IL1RAPL2: variants seen among roughly 807,000 people sequenced by gnomAD.
IL1RAPL2 encodes the protein interleukin 1 receptor accessory protein like 2, also known as X-linked interleukin-1 receptor accessory protein-like 2.
In IL1RAPL2, 3 loss-of-function variants were observed where a neutral mutation model predicts 44.1. The ratio of observed to expected loss-of-function variants is 0.07; its 90% CI spans 0.03 to 0.18. IL1RAPL2 has a LOEUF of 0.18. IL1RAPL2 is among the 10% of genes least tolerant of loss of function. The pLI is 1.00. For missense variants in IL1RAPL2, 391 were observed against 496.4 expected (o/e 0.79, Z 2.02); for synonymous variants, 181 against 178.8 (o/e 1.01, Z -0.10).
rs931410444 is a variant in IL1RAPL2, at chrX:104,670,811, C to T, written c.82+11816C>T. ...TTCTTCCAGCCCTTCTACATTACTG[C>T]CCATTTTCCATAATACTTGCAAATG... On this transcript the variant is annotated intron_variant, in intron 2 of 10. Coordinates refer to ENST00000372582, the MANE Select transcript of IL1RAPL2 (RefSeq NM_017416.2). Among the ~76,000 whole-genome samples the T allele has an allele frequency of 9.0e-5, 10 of 111,278 alleles. No homozygotes were observed. The South Asian group carries it at 3.4e-3, about 38-fold the overall frequency.
intron 5 of IL1RAPL2, among the ~76,000 whole-genome samples, chrX:105,439,517 C>CAAAAAA (rs11337790): frequency 8.5e-5 from 5 of 59,107 alleles, no homozygotes; most frequent in Admixed American, 2.4e-4. Context: ...TTTTGCTGTA[C>CAAAAAA]AAAAAAAAAA....
intron 2 of IL1RAPL2, among the ~76,000 whole-genome samples, chrX:105,045,965 GA>G (rs1010484267): frequency 9.0e-6 from 1 of 111,088 alleles, no homozygotes; most frequent in Non-Finnish European, 1.9e-5. Flanking sequence ...TTCCTATTTT[GA>G]AAATGTAATG....
At chrX:104,961,527 T>C (rs2030006743) in intron 2 of IL1RAPL2, among the ~76,000 whole-genome samples, 1 of 111,723 alleles carries the variant, frequency 9.0e-6, no homozygotes, top group African/African-American at 3.3e-5. Context: ...TTTTCAAGGT[T>C]CCTTCCAGGA....
At chrX:104,671,654 G>A (rs149473675) in intron 2 of IL1RAPL2, among the ~76,000 whole-genome samples, 3,120 of 111,567 alleles carry the variant, frequency 0.028, 49 homozygotes, top group Non-Finnish European at 0.045. Flanking sequence ...TTGTTTCCTC[G>A]ATTCTCTATA....
chrX:105,579,209 A>G (rs771915916), intron 6 of IL1RAPL2, among the ~76,000 whole-genome samples: 2 of 111,987 alleles, frequency 1.8e-5, no homozygotes, highest in South Asian at 3.7e-4. Flanking sequence ...CACTTTCAAG[A>G]AAAAAATATC....
intron 10 of IL1RAPL2, chrX:105,765,100 G>C (rs1439493684): frequency 1.2e-5 from 1 of 86,212 alleles, no homozygotes; most frequent in East Asian, 3.4e-4. Flanking sequence ...CATGATTCTG[G>C]GTTTGGGTTT....
At chrX:105,431,536 C>T (rs970025221) in intron 5 of IL1RAPL2, among the ~76,000 whole-genome samples, 1 of 111,427 alleles carries the variant, frequency 9.0e-6, no homozygotes, top group African/African-American at 3.3e-5. Context: ...TTCCAAATCT[C>T]CATAACAGGA....
chrX:104,615,937 G>T lies in IL1RAPL2; in HGVS notation c.-19-42958G>T, dbSNP rs924144474. Among the ~76,000 whole-genome samples the T allele has an allele frequency of 5.4e-5, 6 of 112,026 alleles. No homozygotes were observed. The Admixed American group carries it at 5.7e-4, about 11-fold the overall frequency. On this transcript the variant is annotated intron_variant, in intron 1 of 10. Transcript: ENST00000372582. ...TCACCATTCTGAGTGGCATGGGATGGTATCTCATTGTGGTTTTGATTTGCA... is the reference window on the plus strand; with the variant it reads ...TCACCATTCTGAGTGGCATGGGATGTTATCTCATTGTGGTTTTGATTTGCA...
chrX:104,844,483 T>C lies in IL1RAPL2; in HGVS notation c.82+185488T>C, dbSNP rs184611567. On this transcript the variant is annotated intron_variant, in intron 2 of 10. Coordinates refer to ENST00000372582, the MANE Select transcript of IL1RAPL2 (RefSeq NM_017416.2). ...CATGTGAATTTCCAGGAAAGAAATA[T>C]AGTAGGCAGTATTTACAGGGTTATC... 3.6e-5 allele frequency among the ~76,000 whole-genome samples: 4 copies of C among 111,503 alleles called. No homozygotes were observed. The Admixed American group carries it at 3.8e-4, about 11-fold the overall frequency.
At chrX:105,696,328 G>A (rs1014059324) in intron 6 of IL1RAPL2, among the ~76,000 whole-genome samples, 2 of 111,571 alleles carry the variant, frequency 1.8e-5, no homozygotes, top group African/African-American at 6.5e-5. Flanking sequence ...AGGGGGCCTG[G>A]CACAGCTGGA....
At chrX:105,486,507 G>A (rs2036267270) in intron 6 of IL1RAPL2, among the ~76,000 whole-genome samples, 1 of 110,820 alleles carries the variant, frequency 9.0e-6, no homozygotes, top group Non-Finnish European at 1.9e-5. Flanking sequence ...TATTTTGTTA[G>A]AGCCAAATCT....
chrX:104,674,336 T>G (rs1343101199), intron 2 of IL1RAPL2, among the ~76,000 whole-genome samples: 1 of 112,132 alleles, frequency 8.9e-6, no homozygotes, highest in Non-Finnish European at 1.9e-5. Context: ...CAAAGGCTTT[T>G]TCTGCATCTA....
chrX:104,682,745 T>C (rs1449987595), intron 2 of IL1RAPL2, among the ~76,000 whole-genome samples: 1 of 112,285 alleles, frequency 8.9e-6, no homozygotes, highest in East Asian at 2.8e-4. Context: ...GTCTTGAAGT[T>C]ATTATCATAA....
At chrX:105,583,003 CTCT>C (rs901862231) in intron 6 of IL1RAPL2, among the ~76,000 whole-genome samples, 4 of 110,804 alleles carry the variant, frequency 3.6e-5, no homozygotes, top group African/African-American at 1.3e-4. Flanking sequence ...GTTCTCATTT[CTCT>C]TCTATTTTTG....
At chrX:105,146,243 G>T (rs1450482378) in intron 2 of IL1RAPL2, among the ~76,000 whole-genome samples, 2 of 111,342 alleles carry the variant, frequency 1.8e-5, no homozygotes, top group Non-Finnish European at 3.8e-5. Flanking sequence ...TTGTCCAGGG[G>T]GTTCTATTCC....
chrX:105,272,929 T>C (rs2034458481), intron 5 of IL1RAPL2, among the ~76,000 whole-genome samples: 1 of 111,999 alleles, frequency 8.9e-6, no homozygotes, highest in Non-Finnish European at 1.9e-5. Context: ...CTTTTTGTGG[T>C]CCTGGCTCTT....
chrX:105,086,866 G>C (rs1170388079), intron 2 of IL1RAPL2, among the ~76,000 whole-genome samples: 2 of 110,799 alleles, frequency 1.8e-5, no homozygotes, highest in Non-Finnish European at 3.8e-5. Context: ...ACGCAGTGCA[G>C]ATCAAAATAG....
At chrX:105,075,210 T>G (rs1189521795) in intron 2 of IL1RAPL2, among the ~76,000 whole-genome samples, 1 of 111,538 alleles carries the variant, frequency 9.0e-6, no homozygotes, top group East Asian at 2.8e-4. Flanking sequence ...TTTTGAGATA[T>G]GTTCCATCAA....
At chrX:104,602,659 G>A (rs923759794) in intron 1 of IL1RAPL2, among the ~76,000 whole-genome samples, 8 of 110,964 alleles carry the variant, frequency 7.2e-5, no homozygotes, top group African/African-American at 2.6e-4. Flanking sequence ...AGGGGAGTCC[G>A]CCATTGCTGA....
Sources: allele counts gnomAD v4.1 joint callset (sites outside exome capture counted in the v4.1 genomes callset), GRCh38; gene constraint gnomAD v4.1.1; transcripts MANE v1.5; gene names NCBI Gene and HGNC (gene_info 2026-07-23, HGNC 2026-07-21).